The following CAPN15 variants were observed in gnomAD, a reference collection of about 807,000 sequenced individuals.
CAPN15 encodes calpain 15.
In CAPN15, 53 loss-of-function variants were observed where a neutral mutation model predicts 97.9. The observed-to-expected ratio is 0.54, with a 90% confidence interval of 0.43 to 0.68. The LOEUF is 0.68. CAPN15 is among the 30% of genes least tolerant of loss of function. CAPN15 has a pLI of 0.00. For missense variants in CAPN15, 1,592 were observed against 1,589.8 expected (o/e 1.00, Z -0.02); for synonymous variants, 922 against 722.5 (o/e 1.28, Z -4.43).
At position 552,261 on chromosome 16, in the gene CAPN15, C is replaced by T. The variant is rs188980413; in HGVS notation, c.2508-40C>T. ...GGCTGGGCTGGGCTAGGCTGGCGGC[C>T]GTGACCACGCGTGACCCTGGCCCGT... On this transcript the variant is annotated intron_variant, in intron 10 of 13. Transcript: ENST00000219611. The surrounding 1 kb of genome is among the most constrained non-coding windows in gnomAD (Gnocchi z 6.4). The T allele has an allele frequency of 0.018, 27,494 of 1,533,794 alleles. 276 individuals are homozygous for T. The highest frequency in any genetic ancestry group is 0.022 in the Non-Finnish European group (24,550 of 1,139,894).
rs752404281 is a variant in CAPN15, at chr16:553,033, C to T, written c.3075C>T (p.Pro1025=). ...TGCGTACCCAGGATAGCGTGCCACC[C>T]CTGCACAGGTGCGCCCCCGCCCCTG... ...GSLRTQDSVP[P]LHRQVLVILS... Residue 1025 remains proline (P), a synonymous_variant, in exon 13 of 14, where the codon CCC becomes CCT. Transcript: ENST00000219611. 1.9e-6 allele frequency: 3 copies of T among 1,566,170 alleles called. No homozygotes were observed. The highest frequency in any genetic ancestry group is 2.6e-6 in the Non-Finnish European group (3 of 1,147,560).
At chr16:541,409 G>C (rs1316106672) in intron 3 of CAPN15, among the ~76,000 whole-genome samples, 1 of 152,108 alleles carries the variant, frequency 6.6e-6, no homozygotes, top group Non-Finnish European at 1.5e-5. Context: ...AGCCCTGTCT[G>C]CGAGTTACCC....
Position 551,345 on chromosome 16 carries a change from G to T in CAPN15, c.2110G>T (p.Asp704Tyr). 6.2e-7 allele frequency: 1 copy of T among 1,608,102 alleles called. No homozygotes were observed. ...ASCGGGNMKVDDSAYESLGLR... is the reference protein window; with the variant it reads ...ASCGGGNMKVYDSAYESLGLR... ...CTGTGGCGGGGGCAACATGAAGGTG[G>T]ACGATTCGGCCTACGAGAGCCTGGG... is the stretch of plus-strand genomic sequence containing the variant. The change falls in exon 8 of 14, where the codon GAC becomes TAC. Residue 704 changes from aspartate (D) to tyrosine (Y), a missense_variant. Physicochemically the swap from Asp to Tyr is radical, Grantham distance 160. Coordinates refer to ENST00000219611, the MANE Select transcript of CAPN15 (RefSeq NM_005632.3).
At chr16:551,023 G>T (rs2035010103) in intron 7 of CAPN15, among the ~76,000 whole-genome samples, 2 of 125,706 alleles carry the variant, frequency 1.6e-5, no homozygotes, top group East Asian at 2.4e-4. Flanking sequence ...GTCGGTGAGG[G>T]CCCCGGTCGG....
rs574724159 is a variant in CAPN15 at position 552,012 on chromosome 16, C to T, written c.2346-39C>T. The T allele has an allele frequency of 1.0e-4, 161 of 1,539,392 alleles. No individual in the cohort carries two copies. Among genetic ancestry groups the T allele is most frequent in the Middle Eastern group, 2.2e-4 (1 of 4,500 alleles). On this transcript the variant is annotated intron_variant, in intron 9 of 13. Transcript: ENST00000219611. This position sits in a 1 kb window ranked among gnomAD's most constrained non-coding sequence, Gnocchi z 6.4. ...GGCGCTGAGCCACGGAGGTGTGGGCCGTGGTAGGCTCAGGGCCCCGTCCTC... is the reference window on the plus strand; with the variant it reads ...GGCGCTGAGCCACGGAGGTGTGGGCTGTGGTAGGCTCAGGGCCCCGTCCTC...
chr16:544,101 A>G (rs2034359504), intron 3 of CAPN15, among the ~76,000 whole-genome samples: 1 of 151,750 alleles, frequency 6.6e-6, no homozygotes, highest in Non-Finnish European at 1.5e-5. Flanking sequence ...GAGAGGCAAC[A>G]AGGGTAGACC....
rs1411936995 is a variant in CAPN15, at chr16:548,128, G to C, written c.1290G>C (p.Lys430Asn). Residue 430 changes from lysine (K) to asparagine (N), a missense_variant, in exon 4 of 14, where the codon AAG (lysine) becomes AAC (asparagine). Physicochemically the swap from Lys to Asn is moderately conservative, Grantham distance 94. Transcript: ENST00000219611. ...ACTLLNALRA[K>N]HCAACHTPQL... ...CCCTGCTCAACGCACTGCGGGCCAAGCACTGCGCCGCCTGCCACACGCCTC... is the reference window on the plus strand; with the variant it reads ...CCCTGCTCAACGCACTGCGGGCCAACCACTGCGCCGCCTGCCACACGCCTC... The C allele has an allele frequency of 6.5e-7, 1 of 1,530,748 alleles. No individual in the cohort carries two copies. Among genetic ancestry groups the C allele is most frequent in the Non-Finnish European group, 8.8e-7 (1 of 1,139,988 alleles). The allele number at this position is 1,530,748 out of a possible 1,614,324, so 94.8% of individuals were successfully genotyped here.
intron 1 of CAPN15, among the ~76,000 whole-genome samples, chr16:533,247 C>T (rs2033401754): frequency 6.6e-6 from 1 of 152,072 alleles, no homozygotes; most frequent in Non-Finnish European, 1.5e-5. Context: ...AATTTAAAAC[C>T]AACAAAAAAG....
chr16:533,502 A>G (rs148515382), intron 1 of CAPN15, among the ~76,000 whole-genome samples: 2,376 of 152,168 alleles, frequency 0.016, 64 homozygotes, highest in African/African-American at 0.055. Flanking sequence ...GTGCCTGCCC[A>G]AGCTGGGCAC....
intron 7 of CAPN15, among the ~76,000 whole-genome samples, chr16:550,809 G>GCCCCGGTCGGTGAGGGT (rs2034968522): frequency 7.7e-6 from 1 of 129,626 alleles, no homozygotes; most frequent in Admixed American, 7.2e-5. Flanking sequence ...GTCGGTGAGG[G>GCCCCGGTCGGTGAGGGT]CCCCGGTCGG....
rs778118208 is a variant in CAPN15, at chr16:549,078, T to C, written c.1535T>C (p.Val512Ala). 1 of 1,612,636 alleles carries C rather than the reference T, an allele frequency of 6.2e-7. No individual in the cohort carries two copies. The highest frequency in any genetic ancestry group is 1.7e-5 in the Admixed American group (1 of 60,034). ...GCGGGTGACAGCGTGCAGCAGCGTG[T>C]GAGGCAGTGGCTGCGACCCCAGGAG... Reference protein sequence around the residue: ...FPAGDSVQQRVRQWLRPQEIN... With the variant: ...FPAGDSVQQRARQWLRPQEIN... The change falls in exon 5 of 14, where the codon GTG becomes GCG. Residue 512 changes from valine (V) to alanine (A), a missense_variant. Transcript: ENST00000219611.
Position 553,015 on chromosome 16 carries a change from C to G in CAPN15, c.3057C>G (p.Thr1019=), listed in dbSNP as rs760729281. The G allele has an allele frequency of 1.9e-6, 3 of 1,604,944 alleles. No homozygotes were observed. Among genetic ancestry groups the G allele is most frequent in the Non-Finnish European group, 2.6e-6 (3 of 1,175,888 alleles). Residue 1019 remains threonine (T), a synonymous_variant, in exon 13 of 14, where the codon ACC becomes ACG. Transcript: ENST00000219611. ...NVVSTRGSLR[T]QDSVPPLHRQ... ...TGTCCACACGCGGCAGCCTGCGTAC[C>G]CAGGATAGCGTGCCACCCCTGCACA...
At chr16:534,094 G>GA in intron 2 of CAPN15, 96 bp downstream of exon 2, 1 of 527,192 alleles carries the variant, frequency 1.9e-6, no homozygotes, top group East Asian at 1.4e-4. Flanking sequence ...CACGGCTGGG[G>GA]GGCCTCTCGG....
At chr16:540,029 A>T in intron 3 of CAPN15, 11 of 956,014 alleles carry the variant, frequency 1.2e-5, no homozygotes, top group Non-Finnish European at 1.4e-5. Context: ...TGTGTGAATC[A>T]TGCTGTTTCT....
intron 13 of CAPN15, 138 bp downstream of exon 13, chr16:553,179 T>G: frequency 6.5e-5 from 14 of 215,974 alleles, no homozygotes; most frequent in African/African-American, 1.2e-4. Context: ...ACCCAACCCA[T>G]GCCCCCCCCA....
intron 9 of CAPN15, 142 bp from the exon 10 acceptor site, chr16:551,908 GC>G (rs1214042357): frequency 5.5e-5 from 57 of 1,036,990 alleles, no homozygotes; most frequent in Non-Finnish European, 7.6e-5. Context: ...TCAGGGATGG[GC>G]CCCCGGGGGC....
Position 543,008 on chromosome 16 carries a change from A to ACG in CAPN15, c.-22-3808_-22-3807insGC, listed in dbSNP as rs1567143905. Among the ~76,000 whole-genome samples the ACG allele has an allele frequency of 3.9e-3, 590 of 152,092 alleles. 5 individuals are homozygous for ACG. The highest frequency in any genetic ancestry group is 0.013 in the African/African-American group (531 of 41,480). On this transcript the variant is annotated intron_variant, in intron 3 of 13. Coordinates refer to ENST00000219611, the MANE Select transcript of CAPN15 (RefSeq NM_005632.3). ...GGAGGTTGCAGTGAGCCAAGATTGC[A>ACG]CCACTGCACTCCAGTGTGGGCGACA...
rs530377756 is a variant in CAPN15, at chr16:554,413, G to A, written c.*897G>A. On this transcript the variant is annotated 3_prime_UTR_variant, in exon 14 of 14. Transcript: ENST00000219611. ...TCGCCCCCACTCCCCCTCCTACCCC[G>A]GCAGGGGCTTCCGGGGCCTTTTCAC... 1.1e-4 allele frequency: 49 copies of A among 433,418 alleles called. No homozygotes were observed. The highest frequency in any genetic ancestry group is 5.7e-4 in the South Asian group (35 of 61,236). The allele number at this position is 433,418 out of a possible 1,614,324, so 26.8% of individuals were successfully genotyped here.
chr16:549,834 G>C lies in CAPN15; in HGVS notation c.2062G>C (p.Ala688Pro). 6.3e-7 allele frequency: 1 copy of C among 1,576,402 alleles called. No homozygotes were observed. Among genetic ancestry groups the C allele is most frequent in the Non-Finnish European group, 8.6e-7 (1 of 1,160,294 alleles). The change falls in exon 7 of 14, where the codon GCT becomes CCT. Residue 688 changes from alanine to proline, a missense_variant. Ala to Pro is a conservative substitution (Grantham distance 27). Transcript: ENST00000219611. Reference protein sequence around the residue: ...IWAKMLSSKEAGFLMGASCGG... With the variant: ...IWAKMLSSKEPGFLMGASCGG... ...GGCCAAAATGCTGAGTTCTAAGGAG[G>C]CTGGGTAAGAGGAGGGGCACTGCGT...
Sources: allele counts gnomAD v4.1 joint callset (sites outside exome capture counted in the v4.1 genomes callset), GRCh38; gene constraint gnomAD v4.1.1; non-coding constraint Gnocchi (gnomAD v3.1); transcripts MANE v1.5; gene names NCBI Gene and HGNC (gene_info 2026-07-23, HGNC 2026-07-21).